COG4: variants seen among roughly 807,000 people sequenced by gnomAD.
COG4 encodes component of oligomeric golgi complex 4.
COG4 carries 65 observed loss-of-function variants against 95.1 expected under a neutral mutation model. That is an observed-to-expected ratio of 0.68 (90% CI 0.56 to 0.84). The LOEUF is 0.84. Ranked by LOEUF, COG4 falls within the 40% of genes least tolerant of loss-of-function variation. COG4 has a pLI of 0.00. For missense variants in COG4, 1,045 were observed against 989.1 expected, an observed-to-expected ratio of 1.06 and a Z score of -0.76; for synonymous variants, 421 against 374.8, an observed-to-expected ratio of 1.12 and a Z score of -1.42.
intron 12 of COG4, among the ~76,000 whole-genome samples, chr16:70,494,049 A>C (rs1388958111): frequency 2.0e-5 from 3 of 152,178 alleles, no homozygotes; most frequent in African/African-American, 7.2e-5. Context: ...TCCTGCAGCC[A>C]GTGCTGAAAG....
chr16:70,484,016 G>A, intron 13 of COG4, 47 bp from the exon 14 acceptor site: 1 of 1,361,110 alleles, frequency 7.3e-7, no homozygotes. Context: ...CGTGGGCCAT[G>A]GGAGTGTGAG....
At chr16:70,487,360 G>A (rs533239039) in intron 13 of COG4, among the ~76,000 whole-genome samples, 27 of 151,940 alleles carry the variant, frequency 1.8e-4, no homozygotes, top group Non-Finnish European at 3.8e-4. Flanking sequence ...ACTTCGGGAT[G>A]CCAAGGCGGG....
chr16:70,483,775 C>CAGGAGG, intron 14 of COG4, 78 bp downstream of exon 14: 1 of 1,158,018 alleles, frequency 8.6e-7, no homozygotes, highest in Non-Finnish European at 1.3e-6. Context: ...CTTCCTTGCA[C>CAGGAGG]ACGATGAGCC....
intron 13 of COG4, among the ~76,000 whole-genome samples, chr16:70,489,504 A>C (rs920023861): frequency 1.4e-5 from 2 of 147,014 alleles, no homozygotes; most frequent in South Asian, 2.1e-4. Flanking sequence ...GGCATGAGCC[A>C]CCTCACCTGG....
rs376925549 is a variant in COG4, at chr16:70,481,098, G to A, written c.2282C>T (p.Thr761Met). ...CACTTCAGCAGGGGTGAGGCGCCAC[G>A]TCAATGGGCCGGAATTGGGTCCCCA... ...DYWGPNSGPLTWRLTPAEVRQ... is the reference protein window; with the variant it reads ...DYWGPNSGPLMWRLTPAEVRQ... Residue 761 changes from threonine to methionine, a missense_variant, in exon 19 of 19, where the codon ACG becomes ATG. Physicochemically the swap from Thr to Met is moderately conservative, Grantham distance 81. Transcript: ENST00000323786. 9.3e-6 allele frequency: 15 copies of A among 1,613,406 alleles called. No individual in the cohort carries two copies. Among genetic ancestry groups the A allele is most frequent in the Middle Eastern group, 1.6e-4 (1 of 6,082 alleles).
intron 10 of COG4, 28 bp downstream of exon 10, chr16:70,497,909 T>A: frequency 7.5e-7 from 1 of 1,339,644 alleles, no homozygotes; most frequent in Non-Finnish European, 1.1e-6. Flanking sequence ...GGAAGCCCCA[T>A]TTCCAAGAGA....
Position 70,509,377 on chromosome 16 carries a change from T to C in COG4, c.856A>G (p.Ile286Val), listed in dbSNP as rs1017187563. 6.2e-7 allele frequency: 1 copy of C among 1,614,208 alleles called. No homozygotes were observed. The highest frequency in any genetic ancestry group is 1.1e-5 in the South Asian group (1 of 91,092). Residue 286 changes from isoleucine to valine, a missense_variant, in exon 7 of 19, where the codon ATT (isoleucine) becomes GTT (valine). Physicochemically the swap from Ile to Val is conservative, Grantham distance 29. Transcript: ENST00000323786. ...LTLLFEGIAR[I>V]VETHQPIVET... ...ACTATTGGCTGGTGGGTCTCCACAATGCGGGCAATCCCTAGAAGGGAGGAA... is the reference window on the plus strand; with the variant it reads ...ACTATTGGCTGGTGGGTCTCCACAACGCGGGCAATCCCTAGAAGGGAGGAA...
Position 70,481,712 on chromosome 16 carries a change from T to A in COG4, c.2106+52A>T, listed in dbSNP as rs1429571952. 2.0e-6 allele frequency: 3 copies of A among 1,513,664 alleles called. No homozygotes were observed. The Admixed American group carries it at 5.1e-5, about 26-fold the overall frequency. The allele number at this position is 1,513,664 out of a possible 1,614,324, so 93.8% of individuals were successfully genotyped here. A position where few individuals can be genotyped will look rare whatever the true frequency, so the allele number is the denominator to read the frequency against. On this transcript the variant is annotated intron_variant, in intron 17 of 18. Transcript: ENST00000323786. ...GTCCTGGGGGTGGTGGCATGACATGTCTTCCTCAGAGGAGAAACGAGAGCC... is the reference window on the plus strand; with the variant it reads ...GTCCTGGGGGTGGTGGCATGACATGACTTCCTCAGAGGAGAAACGAGAGCC...
chr16:70,482,617 T>C, intron 15 of COG4, 112 bp downstream of exon 15: 1 of 844,938 alleles, frequency 1.2e-6, no homozygotes, highest in Non-Finnish European at 2.0e-6. Context: ...GTGGGGGAAG[T>C]GGGCCTGGGA....
rs1401863780 is a variant in COG4 at position 70,514,444 on chromosome 16, T to C, written c.435A>G (p.Gly145=). 6 of 1,614,086 alleles carry C rather than the reference T, an allele frequency of 3.7e-6. No homozygotes were observed. In the South Asian group the frequency reaches 6.6e-5, roughly 18 times the overall value. The change falls in exon 4 of 19, where the codon GGA becomes GGG. Residue 145 remains glycine, a synonymous_variant. Coordinates refer to ENST00000323786, the MANE Select transcript of COG4 (RefSeq NM_015386.3). ...DILDLKFCMD[G]VQTALRSEDY... ...CTTCACTCCTCAAAGCAGTCTGAAC[T>C]CCATCCATGCAGAACTTCAGGTCCA...
intron 1 of COG4, among the ~76,000 whole-genome samples, chr16:70,520,120 G>A (rs535717751): frequency 6.6e-6 from 1 of 152,096 alleles, no homozygotes; most frequent in African/African-American, 2.4e-5. Flanking sequence ...TGGCCACATG[G>A]TGAAACCCCA....
intron 2 of COG4, among the ~76,000 whole-genome samples, chr16:70,518,422 G>A (rs1409604315): frequency 1.3e-5 from 2 of 151,590 alleles, no homozygotes; most frequent in African/African-American, 4.8e-5. Flanking sequence ...GCAGTGGCAC[G>A]ATCATAGCTC....
At chr16:70,495,954 T>C (rs1045526151) in intron 12 of COG4, among the ~76,000 whole-genome samples, 2 of 152,198 alleles carry the variant, frequency 1.3e-5, no homozygotes, top group African/African-American at 4.8e-5. Context: ...GAGCTGGTTC[T>C]GTGGCAGATG....
At chr16:70,498,688 C>T (rs763704970) in intron 9 of COG4, among the ~76,000 whole-genome samples, 7 of 152,132 alleles carry the variant, frequency 4.6e-5, no homozygotes, top group Non-Finnish European at 7.4e-5. Flanking sequence ...TTTTTAGACA[C>T]CTGGTTATTT....
chr16:70,495,557 C>T (rs1179904772), intron 12 of COG4, among the ~76,000 whole-genome samples: 1 of 152,062 alleles, frequency 6.6e-6, no homozygotes, highest in Non-Finnish European at 1.5e-5. Flanking sequence ...CAGGGTGCGG[C>T]CAATGTGGGG....
At chr16:70,498,797 A>G (rs1359358420) in intron 9 of COG4, among the ~76,000 whole-genome samples, 1 of 152,238 alleles carries the variant, frequency 6.6e-6, no homozygotes, top group Non-Finnish European at 1.5e-5. Context: ...CTTTTCCATT[A>G]TTCCCTTAGG....
intron 1 of COG4, among the ~76,000 whole-genome samples, chr16:70,521,402 G>C (rs2049938527): frequency 1.3e-5 from 2 of 151,854 alleles, no homozygotes; most frequent in Admixed American, 1.3e-4. Flanking sequence ...ATTTTTAGTA[G>C]AGACTAACAT....
chr16:70,481,063 G>C lies in COG4; in HGVS notation c.2317C>G (p.Leu773Val). 1.2e-6 allele frequency: 2 copies of C among 1,613,352 alleles called. No homozygotes were observed. The highest frequency in any genetic ancestry group is 1.7e-6 in the Non-Finnish European group (2 of 1,180,036). The stretch of plus-strand genomic sequence containing the variant: ...CTGCGGAAGTCTATCCGCAGGGCCA[G>C]CACCTGGCGCACTTCAGCAGGGGTG... Reference protein sequence around the residue: ...RLTPAEVRQVLALRIDFRSED... With the variant: ...RLTPAEVRQVVALRIDFRSED... The change falls in exon 19 of 19, where the codon CTG (leucine) becomes GTG (valine). Residue 773 changes from leucine (L) to valine (V), a missense_variant. Physicochemically the swap from Leu to Val is conservative, Grantham distance 32. Transcript: ENST00000323786.
intron 8 of COG4, among the ~76,000 whole-genome samples, chr16:70,507,134 A>G (rs1480217926): frequency 6.6e-6 from 1 of 152,110 alleles, no homozygotes; most frequent in Non-Finnish European, 1.5e-5. Context: ...GCTACTCGGG[A>G]GGCCGAGGTG....
Sources: allele counts gnomAD v4.1 joint callset (sites outside exome capture counted in the v4.1 genomes callset), GRCh38; gene constraint gnomAD v4.1.1; transcripts MANE v1.5; gene names NCBI Gene and HGNC (gene_info 2026-07-23, HGNC 2026-07-21).